The following HSPA1A variants were observed in gnomAD, a reference collection of about 807,000 sequenced individuals.
HSPA1A encodes the protein heat shock protein family A (Hsp70) member 1A, also known as heat shock 70 kDa protein 1A.
HSPA1A carries 5 observed loss-of-function variants against 8.8 expected under a neutral mutation model. The ratio of observed to expected loss-of-function variants is 0.57; its 90% confidence interval spans 0.30 to 1.19. The LOEUF (loss-of-function observed/expected upper bound fraction) is 1.19. Ranked by LOEUF, HSPA1A falls within the 50% of genes most tolerant of loss-of-function variation. The probability of loss-of-function intolerance (pLI) is 0.08; values close to 1 mark genes in which losing one functional copy is unlikely to be tolerated. For missense variants in HSPA1A, 207 were observed against 430.7 expected, an observed-to-expected ratio of 0.48 and a Z score of 4.60; for synonymous variants, 112 against 188.4, an observed-to-expected ratio of 0.59 and a Z score of 3.32.
In HSPA1A at chr6:31,817,838, A is replaced by C; in HGVS notation, c.*156A>C. The C allele has an allele frequency of 6.9e-7, 1 of 1,449,762 alleles. No homozygotes were observed. The highest frequency in any genetic ancestry group is 2.5e-5 in the East Asian group (1 of 40,150). The allele number at this position is 1,449,762 out of a possible 1,614,324, so 89.8% of individuals were successfully genotyped here. On this transcript the variant is annotated 3_prime_UTR_variant, in exon 1 of 1. Coordinates refer to ENST00000375651, the MANE Select transcript of HSPA1A (RefSeq NM_005345.6). ...TTTTTTCCGGTTTCTACATGCAGAGATGAATTTATACTGCCATCTTACGAC... is the reference window on the plus strand; with the variant it reads ...TTTTTTCCGGTTTCTACATGCAGAGCTGAATTTATACTGCCATCTTACGAC...
rs544785546 is a variant in HSPA1A, at chr6:31,815,559, A to G, written c.-198A>G. The G allele has an allele frequency of 7.6e-7, 1 of 1,312,710 alleles. No homozygotes were observed. The highest frequency in any genetic ancestry group is 1.1e-6 in the Non-Finnish European group (1 of 942,932). 81.3% of individuals were successfully genotyped at this position (1,312,710 alleles called of 1,614,324 possible). On this transcript the variant is annotated 5_prime_UTR_variant, in exon 1 of 1. Transcript: ENST00000375651. ...GGTCCGGATAACGGCTAGCCTGAGG[A>G]GCTGCTGCGACAGTCCACTACCTTT...
Position 31,815,879 on chromosome 6 carries a change from C to T in HSPA1A, c.123C>T (p.Tyr41=). ...AGGGCAACCGCACCACCCCCAGCTA[C>T]GTGGCCTTCACGGACACCGAGCGGC... ...NDQGNRTTPS[Y]VAFTDTERLI... The change falls in exon 1 of 1, where the codon TAC becomes TAT. Residue 41 remains tyrosine (Y), a synonymous_variant. Coordinates refer to ENST00000375651, the MANE Select transcript of HSPA1A (RefSeq NM_005345.6). 1 of 1,604,996 alleles carries T rather than the reference C, an allele frequency of 6.2e-7. No homozygotes were observed. Among genetic ancestry groups the T allele is most frequent in the Non-Finnish European group, 8.5e-7 (1 of 1,177,266 alleles).
chr6:31,817,430 C>G lies in HSPA1A; in HGVS notation c.1674C>G (p.Leu558=), dbSNP rs371873691. The G allele has an allele frequency of 1.1e-5, 17 of 1,611,886 alleles. No individual in the cohort carries two copies. Among genetic ancestry groups the G allele is most frequent in the Non-Finnish European group, 1.4e-5 (16 of 1,179,770 alleles). The part of the protein sequence containing the change: ...NMKSAVEDEG[L]KGKISEADKK... ...AGAGCGCCGTGGAGGATGAGGGGCT[C>G]AAGGGCAAGATCAGCGAGGCGGACA... The change falls in exon 1 of 1, where the codon CTC becomes CTG. Residue 558 remains leucine, a synonymous_variant. Transcript: ENST00000375651.
At position 31,815,944 on chromosome 6, in the gene HSPA1A, C is replaced by G; in HGVS notation, c.188C>G (p.Pro63Arg). 1 of 1,536,828 alleles carries G rather than the reference C, an allele frequency of 6.5e-7. No individual in the cohort carries two copies. The change falls in exon 1 of 1, where the codon CCG (proline) becomes CGG (arginine). Residue 63 changes from proline to arginine, a missense_variant. Pro to Arg is a moderately radical substitution (Grantham distance 103). Around this residue, in one of 5 missense-constraint regions of HSPA1A, gnomAD observed 129 missense variants for 173.1 expected, o/e 0.75. Transcript: ENST00000375651. ...GCCAAGAACCAGGTGGCGCTGAACC[C>G]GCAGAACACCGTGTTTGACGCGAAG... ...DAAKNQVALN[P>R]QNTVFDAKRL...
At position 31,815,621 on chromosome 6, in the gene HSPA1A, A is replaced by C. The variant is rs1815880929; in HGVS notation, c.-136A>C. 1 of 1,602,422 alleles carries C rather than the reference A, an allele frequency of 6.2e-7. No individual in the cohort carries two copies. Among genetic ancestry groups the C allele is most frequent in the Admixed American group, 1.7e-5 (1 of 58,722 alleles). On this transcript the variant is annotated 5_prime_UTR_variant, in exon 1 of 1. Coordinates refer to ENST00000375651, the MANE Select transcript of HSPA1A (RefSeq NM_005345.6). ...CTCCCGTTGTCCCAAGGCTTCCCAGAGCGAACCTGTGCGGCTGCAGGCACC... is the reference window on the plus strand; with the variant it reads ...CTCCCGTTGTCCCAAGGCTTCCCAGCGCGAACCTGTGCGGCTGCAGGCACC...
chr6:31,815,721 T>A lies in HSPA1A; in HGVS notation c.-36T>A. Reference sequence around the variant, plus strand: ...CCAGTGTTCCGTTTCCAGCCCCCAATCTCAGAGCGGAGCCGACAGAGAGCA... The same window carrying A: ...CCAGTGTTCCGTTTCCAGCCCCCAAACTCAGAGCGGAGCCGACAGAGAGCA... On this transcript the variant is annotated 5_prime_UTR_variant, in exon 1 of 1. Coordinates refer to ENST00000375651, the MANE Select transcript of HSPA1A (RefSeq NM_005345.6). 6.2e-7 allele frequency: 1 copy of A among 1,613,626 alleles called. No homozygotes were observed. The highest frequency in any genetic ancestry group is 8.5e-7 in the Non-Finnish European group (1 of 1,179,952).
rs759366790 is a variant in HSPA1A, at chr6:31,816,043, A to G, written c.287A>G (p.Asn96Ser). ...AAGCACTGGCCTTTCCAGGTGATCA[A>G]CGACGGAGACAAGCCCAAGGTGCAG... is the stretch of plus-strand genomic sequence containing the variant. The part of the protein sequence containing the change: ...DMKHWPFQVI[N>S]DGDKPKVQVS... Residue 96 changes from asparagine to serine, a missense_variant, in exon 1 of 1, where the codon AAC (asparagine) becomes AGC (serine). Asn to Ser is a conservative substitution (Grantham distance 46). Around this residue, in one of 5 missense-constraint regions of HSPA1A, gnomAD observed 129 missense variants for 173.1 expected, o/e 0.75. Transcript: ENST00000375651. 4 of 945,242 alleles carry G rather than the reference A, an allele frequency of 4.2e-6. No individual in the cohort carries two copies. In the South Asian group the frequency reaches 4.9e-5, roughly 12 times the overall value. The allele number at this position is 945,242 out of a possible 1,614,324, so 58.6% of individuals were successfully genotyped here. A position where few individuals can be genotyped will look rare whatever the true frequency, so the allele number is the denominator to read the frequency against.
chr6:31,817,680 T>C lies in HSPA1A; in HGVS notation c.1924T>C (p.Ter642GlnextTer19). 6.2e-7 allele frequency: 1 copy of C among 1,606,924 alleles called. No individual in the cohort carries two copies. The highest frequency in any genetic ancestry group is 2.2e-5 in the East Asian group (1 of 44,762). ...AGGCCCCACCATTGAGGAGGTAGATTAGGGGCCTTTCCAAGATTGCTGTTT... is the reference window on the plus strand; with the variant it reads ...AGGCCCCACCATTGAGGAGGTAGATCAGGGGCCTTTCCAAGATTGCTGTTT... The part of the protein sequence containing the change: ...GSGPTIEEVD[*>Q] Residue 642 changes from the stop codon to glutamine, a stop_lost, in exon 1 of 1, where the codon TAG becomes CAG. Transcript: ENST00000375651.
At position 31,817,863 on chromosome 6, in the gene HSPA1A, CTATT is replaced by C; in HGVS notation, c.*183_*186del. 6.9e-7 allele frequency: 1 copy of C among 1,441,564 alleles called. No homozygotes were observed. The highest frequency in any genetic ancestry group is 1.6e-5 in the South Asian group (1 of 64,368). The allele number at this position is 1,441,564 out of a possible 1,614,324, so 89.3% of individuals were successfully genotyped here. A position where few individuals can be genotyped will look rare whatever the true frequency, so the allele number is the denominator to read the frequency against. The stretch of plus-strand genomic sequence containing the variant: ...ATGAATTTATACTGCCATCTTACGA[CTATT>C]TCTTCTTTTTAATACACTTAACTCA... On this transcript the variant is annotated 3_prime_UTR_variant, in exon 1 of 1. Transcript: ENST00000375651.
Position 31,817,877 on chromosome 6 carries a change from T to G in HSPA1A, c.*195T>G. On this transcript the variant is annotated 3_prime_UTR_variant, in exon 1 of 1. Coordinates refer to ENST00000375651, the MANE Select transcript of HSPA1A (RefSeq NM_005345.6). ...CCATCTTACGACTATTTCTTCTTTT[T>G]AATACACTTAACTCAGGCCATTTTT... is the stretch of plus-strand genomic sequence containing the variant. 6.9e-7 allele frequency: 1 copy of G among 1,439,448 alleles called. No homozygotes were observed. Among genetic ancestry groups the G allele is most frequent in the South Asian group, 1.6e-5 (1 of 64,000 alleles). 89.2% of individuals were successfully genotyped at this position (1,439,448 alleles called of 1,614,324 possible).
At position 31,815,760 on chromosome 6, in the gene HSPA1A, G is replaced by A; in HGVS notation, c.4G>A (p.Ala2Thr). 6.2e-7 allele frequency: 1 copy of A among 1,613,942 alleles called. No individual in the cohort carries two copies. Among genetic ancestry groups the A allele is most frequent in the Admixed American group, 1.7e-5 (1 of 60,026 alleles). ...CGACAGAGAGCAGGGAACCGGCATG[G>A]CCAAAGCCGCGGCGATCGGCATCGA... M[A>T]KAAAIGIDLG... Residue 2 changes from alanine (A) to threonine (T), a missense_variant, in exon 1 of 1, where the codon GCC becomes ACC. By Grantham distance (58) the Ala-to-Thr change is moderately conservative (BLOSUM62 0). Around this residue, in one of 5 missense-constraint regions of HSPA1A, gnomAD observed 129 missense variants for 173.1 expected, o/e 0.75. Coordinates refer to ENST00000375651, the MANE Select transcript of HSPA1A (RefSeq NM_005345.6).
In HSPA1A at chr6:31,815,725, A is replaced by T; in HGVS notation, c.-32A>T. ...TGTTCCGTTTCCAGCCCCCAATCTC[A>T]GAGCGGAGCCGACAGAGAGCAGGGA... is the stretch of plus-strand genomic sequence containing the variant. On this transcript the variant is annotated 5_prime_UTR_variant, in exon 1 of 1. Transcript: ENST00000375651. 6.2e-7 allele frequency: 1 copy of T among 1,613,800 alleles called. No individual in the cohort carries two copies. Among genetic ancestry groups the T allele is most frequent in the Non-Finnish European group, 8.5e-7 (1 of 1,179,968 alleles).
chr6:31,817,896 C>A lies in HSPA1A; in HGVS notation c.*214C>A. The A allele has an allele frequency of 7.0e-7, 1 of 1,425,866 alleles. No homozygotes were observed. The highest frequency in any genetic ancestry group is 9.2e-7 in the Non-Finnish European group (1 of 1,090,286). The allele number at this position is 1,425,866 out of a possible 1,614,324, so 88.3% of individuals were successfully genotyped here. On this transcript the variant is annotated 3_prime_UTR_variant, in exon 1 of 1. Transcript: ENST00000375651. ...TCTTTTTAATACACTTAACTCAGGC[C>A]ATTTTTTAAGTTGGTTACTTCAAAG...
In HSPA1A at chr6:31,815,600, C is replaced by G. The variant is rs1348971551; in HGVS notation, c.-157C>G. ...CACTACCTTTTTCGAGAGTGACTCC[C>G]GTTGTCCCAAGGCTTCCCAGAGCGA... On this transcript the variant is annotated 5_prime_UTR_variant, in exon 1 of 1. Coordinates refer to ENST00000375651, the MANE Select transcript of HSPA1A (RefSeq NM_005345.6). 6.4e-7 allele frequency: 1 copy of G among 1,553,474 alleles called. No individual in the cohort carries two copies. The highest frequency in any genetic ancestry group is 2.3e-5 in the East Asian group (1 of 43,458).
In HSPA1A at chr6:31,815,854, A is replaced by G; in HGVS notation, c.98A>G (p.Gln33Arg). The part of the protein sequence containing the change: ...HGKVEIIAND[Q>R]GNRTTPSYVA... ...AAGGTGGAGATCATCGCCAACGACC[A>G]GGGCAACCGCACCACCCCCAGCTAC... The change falls in exon 1 of 1, where the codon CAG becomes CGG. Residue 33 changes from glutamine (Q) to arginine (R), a missense_variant. Gln to Arg is a conservative substitution (Grantham distance 43, BLOSUM62 1). Around this residue, in one of 5 missense-constraint regions of HSPA1A, gnomAD observed 129 missense variants for 173.1 expected, o/e 0.75. Coordinates refer to ENST00000375651, the MANE Select transcript of HSPA1A (RefSeq NM_005345.6). 3 of 1,609,708 alleles carry G rather than the reference A, an allele frequency of 1.9e-6. No individual in the cohort carries two copies. The highest frequency in any genetic ancestry group is 8.5e-7 in the Non-Finnish European group (1 of 1,178,950).
In HSPA1A at chr6:31,816,758, G is replaced by C; in HGVS notation, c.1002G>C (p.Leu334=). ...AKLDKAQIHD[L]VLVGGSTRIP... is the part of the protein sequence containing the mutation. ...TGGACAAGGCCCAGATTCACGACCT[G>C]GTCCTGGTCGGGGGCTCCACCCGCA... The change falls in exon 1 of 1, where the codon CTG becomes CTC. Residue 334 remains leucine (L), a synonymous_variant. Coordinates refer to ENST00000375651, the MANE Select transcript of HSPA1A (RefSeq NM_005345.6). 1 of 90,496 alleles carries C rather than the reference G, an allele frequency of 1.1e-5. No homozygotes were observed. The highest frequency in any genetic ancestry group is 1.8e-5 in the Non-Finnish European group (1 of 54,286). 5.6% of individuals were successfully genotyped at this position (90,496 alleles called of 1,614,324 possible).
At position 31,815,804 on chromosome 6, in the gene HSPA1A, C is replaced by T. The variant is rs767312593; in HGVS notation, c.48C>T (p.Ser16=). 2 of 1,613,040 alleles carry T rather than the reference C, an allele frequency of 1.2e-6. No homozygotes were observed. The highest frequency in any genetic ancestry group is 1.7e-6 in the Non-Finnish European group (2 of 1,179,758). Residue 16 remains serine (S), a synonymous_variant, in exon 1 of 1, where the codon TCC becomes TCT. Transcript: ENST00000375651. ...AIGIDLGTTY[S]CVGVFQHGKV... The stretch of plus-strand genomic sequence containing the variant: ...GCATCGACCTGGGCACCACCTACTC[C>T]TGCGTGGGGGTGTTCCAACACGGCA...
chr6:31,817,736 C>A lies in HSPA1A; in HGVS notation c.*54C>A. 6.4e-7 allele frequency: 1 copy of A among 1,562,872 alleles called. No homozygotes were observed. The highest frequency in any genetic ancestry group is 8.6e-7 in the Non-Finnish European group (1 of 1,156,732). On this transcript the variant is annotated 3_prime_UTR_variant, in exon 1 of 1. Coordinates refer to ENST00000375651, the MANE Select transcript of HSPA1A (RefSeq NM_005345.6). ...TTGGAGCTTCAAGACTTTGCATTTC[C>A]TAGTATTTCTGTTTGTCAGTTCTCA...
chr6:31,817,761 A>C lies in HSPA1A; in HGVS notation c.*79A>C. 1 of 1,537,254 alleles carries C rather than the reference A, an allele frequency of 6.5e-7. No homozygotes were observed. Among genetic ancestry groups the C allele is most frequent in the South Asian group, 1.3e-5 (1 of 79,672 alleles). On this transcript the variant is annotated 3_prime_UTR_variant, in exon 1 of 1. Coordinates refer to ENST00000375651, the MANE Select transcript of HSPA1A (RefSeq NM_005345.6). ...CTAGTATTTCTGTTTGTCAGTTCTC[A>C]ATTTCCTGTGTTTGCAATGTTGAAA...
Sources: allele counts gnomAD v4.1 joint callset, GRCh38; gene constraint gnomAD v4.1.1; regional missense constraint gnomAD v4.1.1; transcripts MANE v1.5; gene names NCBI Gene and HGNC (gene_info 2026-07-23, HGNC 2026-07-21).